CREB3L2: variants seen among roughly 807,000 people sequenced by gnomAD.
The protein encoded by CREB3L2 is cyclic AMP-responsive element-binding protein 3-like protein 2.
A neutral mutation model predicts 57.2 loss-of-function variants in CREB3L2; 23 were observed. The ratio of observed to expected loss-of-function variants is 0.40; its 90% CI spans 0.29 to 0.57. The LOEUF is 0.57. CREB3L2 is among the 20% of genes least tolerant of loss of function. CREB3L2 has a pLI of 0.42. For missense variants in CREB3L2, 628 were observed against 634.7 expected, an observed-to-expected ratio of 0.99 and a Z score of 0.11; for synonymous variants, 268 against 265.1, an observed-to-expected ratio of 1.01 and a Z score of -0.11.
At chr7:137,916,347 A>G (rs944269529) in intron 2 of CREB3L2, among the ~76,000 whole-genome samples, 3 of 152,098 alleles carry the variant, frequency 2.0e-5, no homozygotes, top group African/African-American at 7.2e-5. Context: ...GTAATGAGCT[A>G]CTCTTTTTGG....
chr7:137,972,210 G>A (rs1360618131), intron 1 of CREB3L2, among the ~76,000 whole-genome samples: 5 of 152,114 alleles, frequency 3.3e-5, no homozygotes, highest in Non-Finnish European at 7.3e-5. Context: ...GGAAGCTGAG[G>A]CGGGCGGATC....
Position 137,879,902 on chromosome 7 carries a change from A to T in CREB3L2, c.*574T>A, listed in dbSNP as rs1585583614. The T allele has an allele frequency of 4.2e-5, 10 of 235,886 alleles. No homozygotes were observed. The East Asian group carries it at 6.1e-4, about 14-fold the overall frequency. 14.6% of individuals were successfully genotyped at this position (235,886 alleles called of 1,614,324 possible). A position where few individuals can be genotyped will look rare whatever the true frequency, so the allele number is the denominator to read the frequency against. ...ATTGCACTTGCGGCCTGAGAATATGAACGAGAGCCCTCGCCTGCCAGTGCT... is the reference window on the plus strand; with the variant it reads ...ATTGCACTTGCGGCCTGAGAATATGTACGAGAGCCCTCGCCTGCCAGTGCT... On this transcript the variant is annotated 3_prime_UTR_variant, in exon 12 of 12. Transcript: ENST00000330387.
At chr7:137,928,469 C>G (rs770987061) in intron 1 of CREB3L2, 103 bp from the exon 2 acceptor site, 6 of 873,946 alleles carry the variant, frequency 6.9e-6, no homozygotes, top group African/African-American at 1.7e-5. Context: ...ATATGAAGTC[C>G]CTTCTACACA....
Position 137,928,397 on chromosome 7 carries a change from T to C in CREB3L2, c.103-31A>G, listed in dbSNP as rs1430698127. 6 of 1,568,206 alleles carry C rather than the reference T, an allele frequency of 3.8e-6. No homozygotes were observed. In the African/African-American group the frequency reaches 8.1e-5, roughly 21 times the overall value. On this transcript the variant is annotated intron_variant, in intron 1 of 11. Transcript: ENST00000330387. ...AGAAACAAAGGAGGAAGAACTCAGT[T>C]TCTCTTAACCATAATGTGACAGATA...
At chr7:138,000,446 C>G (rs1802055338) in intron 1 of CREB3L2, among the ~76,000 whole-genome samples, 2 of 152,210 alleles carry the variant, frequency 1.3e-5, no homozygotes, top group African/African-American at 4.8e-5. Flanking sequence ...CTCAGCCCTG[C>G]ACTCTGCATT....
At chr7:137,976,431 C>T (rs1801609362) in intron 1 of CREB3L2, among the ~76,000 whole-genome samples, 1 of 151,714 alleles carries the variant, frequency 6.6e-6, no homozygotes, top group Non-Finnish European at 1.5e-5. Context: ...CTGCATATTA[C>T]AATCATCTGG....
At chr7:137,984,185 G>A (rs73729533) in intron 1 of CREB3L2, among the ~76,000 whole-genome samples, 2,352 of 152,298 alleles carry the variant, frequency 0.015, 60 homozygotes, top group African/African-American at 0.053. Flanking sequence ...TTTGGGATGT[G>A]GTGGACACTG....
chr7:137,992,183 G>A (rs993774036), intron 1 of CREB3L2, among the ~76,000 whole-genome samples: 2 of 152,092 alleles, frequency 1.3e-5, no homozygotes, highest in Non-Finnish European at 2.9e-5. Context: ...AGGAAAATAT[G>A]GTACGTGATC....
chr7:137,964,742 T>C (rs1352998990), intron 1 of CREB3L2, among the ~76,000 whole-genome samples: 1 of 152,238 alleles, frequency 6.6e-6, no homozygotes, highest in Non-Finnish European at 1.5e-5. Flanking sequence ...GGTTTGGCTT[T>C]GTTCCCACCC....
rs527721085 is a variant in CREB3L2 at position 137,942,816 on chromosome 7, G to A, written c.103-14450C>T. The stretch of plus-strand genomic sequence containing the variant: ...GTTTGTTCATGATTGAACAATGGTG[G>A]ATAGCTGCTTATTGGATCATGAATA... On this transcript the variant is annotated intron_variant, in intron 1 of 11. Coordinates refer to ENST00000330387, the MANE Select transcript of CREB3L2 (RefSeq NM_194071.4). Among the ~76,000 whole-genome samples, 4 of 152,290 alleles carry A rather than the reference G, an allele frequency of 2.6e-5. No homozygotes were observed. In the East Asian group the frequency reaches 7.7e-4, roughly 29 times the overall value.
chr7:137,961,540 G>A (rs1801322900), intron 1 of CREB3L2, among the ~76,000 whole-genome samples: 1 of 152,174 alleles, frequency 6.6e-6, no homozygotes, highest in Non-Finnish European at 1.5e-5. Context: ...ACAGGATACA[G>A]ACAGAATGCG....
intron 1 of CREB3L2, among the ~76,000 whole-genome samples, chr7:137,998,854 C>T (rs561312821): frequency 1.7e-3 from 263 of 152,196 alleles, no homozygotes; most frequent in African/African-American, 5.9e-3. Flanking sequence ...AAGTGTGGAC[C>T]CCGTGGCACT....
At chr7:137,999,912 T>C (rs747908306) in intron 1 of CREB3L2, 3 of 152,220 alleles carry the variant, frequency 2.0e-5, no homozygotes, top group Non-Finnish European at 2.9e-5. Context: ...GGGCTGTTAA[T>C]ATCAAAGCAA....
At chr7:137,943,909 A>T (rs1364074418) in intron 1 of CREB3L2, among the ~76,000 whole-genome samples, 1 of 152,178 alleles carries the variant, frequency 6.6e-6, no homozygotes, top group Admixed American at 6.5e-5. Context: ...TTCAACTAAG[A>T]GGGATCCATA....
chr7:137,947,435 G>A (rs888211891), intron 1 of CREB3L2, among the ~76,000 whole-genome samples: 4 of 152,170 alleles, frequency 2.6e-5, no homozygotes, highest in African/African-American at 9.6e-5. Context: ...AAGAGAAACA[G>A]GAGAGCTGGA....
At chr7:137,926,974 C>A (rs975037663) in intron 2 of CREB3L2, among the ~76,000 whole-genome samples, 11 of 151,910 alleles carry the variant, frequency 7.2e-5, no homozygotes, top group African/African-American at 2.4e-4. Flanking sequence ...CATAGTGAGA[C>A]CCCCATTTCT....
At chr7:137,884,878 A>C (rs1417630784) in intron 10 of CREB3L2, 117 bp downstream of exon 10, 1 of 1,440,204 alleles carries the variant, frequency 6.9e-7, no homozygotes, top group African/African-American at 1.4e-5. Flanking sequence ...GAGAAGCTCC[A>C]CTTTTACCAC....
intron 1 of CREB3L2, among the ~76,000 whole-genome samples, chr7:137,945,186 C>T (rs994668643): frequency 6.6e-5 from 10 of 152,206 alleles, no homozygotes; most frequent in African/African-American, 1.7e-4. Flanking sequence ...TGAGCCACCA[C>T]GCCCAGCCAA....
chr7:137,971,305 C>A (rs1356435095), intron 1 of CREB3L2, among the ~76,000 whole-genome samples: 2 of 152,104 alleles, frequency 1.3e-5, no homozygotes, highest in Non-Finnish European at 2.9e-5. Flanking sequence ...AAAAAATTAG[C>A]CGGGTGTGGT....
Sources: gnomAD v4.1 joint callset for allele counts (sites outside exome capture counted in the v4.1 genomes callset) on GRCh38, gnomAD v4.1.1 for gene constraint, MANE v1.5 for transcripts, NCBI Gene and HGNC (gene_info 2026-07-23, HGNC 2026-07-21) for gene names.